KAT2B: variants seen among roughly 807,000 people sequenced by gnomAD.
KAT2B encodes lysine acetyltransferase 2B, also known as histone acetyltransferase KAT2B.
In KAT2B, 36 loss-of-function variants were observed where a neutral mutation model predicts 105.9. The ratio of observed to expected loss-of-function variants is 0.34; its 90% CI spans 0.26 to 0.45. KAT2B has a LOEUF of 0.45. Ranked by LOEUF, KAT2B falls within the 20% of genes least tolerant of loss-of-function variation. The pLI is 1.00. For synonymous variants in KAT2B, 397 were observed against 377.9 expected, an observed-to-expected ratio of 1.05 and a Z score of -0.59; for missense variants, 820 against 1,021.6, an observed-to-expected ratio of 0.80 and a Z score of 2.69.
intron 2 of KAT2B, among the ~76,000 whole-genome samples, chr3:20,076,579 C>T (rs1437070273): frequency 6.6e-6 from 1 of 152,150 alleles, no homozygotes; most frequent in African/African-American, 2.4e-5. Context: ...CCCGTAAAGG[C>T]AGAAGGGATA....
At position 20,140,386 on chromosome 3, in the gene KAT2B, T is replaced by G. The variant is rs781292946; in HGVS notation, c.2004+22T>G. 2.7e-5 allele frequency: 43 copies of G among 1,612,446 alleles called. 1 individual carries two copies. Among genetic ancestry groups the G allele is most frequent in the Non-Finnish European group, 8.5e-7 (1 of 1,179,574 alleles). ...GGAGGTAAGCAGGTGGTTGACTCCC[T>G]TACCTTCTGTACAGGCCAGTCTTAG... On this transcript the variant is annotated intron_variant, in intron 13 of 17. Transcript: ENST00000263754.
intron 6 of KAT2B, among the ~76,000 whole-genome samples, 182 bp from the exon 7 acceptor site, chr3:20,114,700 C>T (rs894968399): frequency 6.6e-6 from 1 of 152,062 alleles, no homozygotes; most frequent in South Asian, 2.1e-4. Flanking sequence ...TGTATAAATG[C>T]ATTTCTGTAT....
chr3:20,049,499 C>T (rs1211386446), intron 1 of KAT2B, among the ~76,000 whole-genome samples: 1 of 152,122 alleles, frequency 6.6e-6, no homozygotes, highest in African/African-American at 2.4e-5. Context: ...AAGCGTCTGC[C>T]CAAGTAGATC....
At chr3:20,119,812 G>A in intron 8 of KAT2B, 89 bp downstream of exon 8, 1 of 1,399,704 alleles carries the variant, frequency 7.1e-7, no homozygotes, top group Non-Finnish European at 9.9e-7. Context: ...CTTGAACCAA[G>A]TACAGATTGT....
intron 1 of KAT2B, among the ~76,000 whole-genome samples, chr3:20,068,382 C>G (rs1387872730): frequency 6.6e-6 from 1 of 150,742 alleles, no homozygotes; most frequent in Admixed American, 6.7e-5. Flanking sequence ...CAGGCACTCT[C>G]TTGCCTTTGC....
intron 2 of KAT2B, among the ~76,000 whole-genome samples, chr3:20,089,386 C>T (rs901294547): frequency 2.9e-4 from 42 of 145,808 alleles, no homozygotes; most frequent in South Asian, 2.2e-4. Flanking sequence ...ATCACTTATT[C>T]GTGTCTTCTT....
chr3:20,077,158 C>T (rs556135019), intron 2 of KAT2B, among the ~76,000 whole-genome samples: 33 of 152,240 alleles, frequency 2.2e-4, no homozygotes, highest in Non-Finnish European at 3.5e-4. Context: ...GTAGAAAGAA[C>T]ATTCAGTTGG....
intron 17 of KAT2B, among the ~76,000 whole-genome samples, chr3:20,149,514 A>AAAAAAAAAAAAAAAAAAAAG (rs1699835819): frequency 6.7e-6 from 1 of 149,126 alleles, no homozygotes; most frequent in Non-Finnish European, 1.5e-5. Context: ...AAAAAAAAAA[A>AAAAAAAAAAAAAAAAAAAAG]AAAAAATTGT....
At chr3:20,094,472 A>G (rs1336277241) in intron 2 of KAT2B, among the ~76,000 whole-genome samples, 1 of 152,112 alleles carries the variant, frequency 6.6e-6, no homozygotes, top group African/African-American at 2.4e-5. Flanking sequence ...AGTTTCCTCA[A>G]TTGTAAAATG....
At chr3:20,048,685 G>A (rs759511333) in intron 1 of KAT2B, among the ~76,000 whole-genome samples, 15 of 152,140 alleles carry the variant, frequency 9.9e-5, no homozygotes, top group African/African-American at 1.9e-4. Flanking sequence ...TTAGTCTGTC[G>A]TTAAGAGAAA....
In KAT2B at chr3:20,090,978, C is replaced by G. The variant is rs954804313; in HGVS notation, c.431-4285C>G. On this transcript the variant is annotated intron_variant, in intron 2 of 17. Transcript: ENST00000263754. ...TGTTGTGCAGGCTTGTCTTGAACTC[C>G]TAGGCTTAAGCATTTCTCCTACCTC... Among the ~76,000 whole-genome samples, 12 of 152,064 alleles carry G rather than the reference C, an allele frequency of 7.9e-5. 1 individual carries two copies. The highest frequency in any genetic ancestry group is 6.6e-5 in the Admixed American group (1 of 15,238).
intron 2 of KAT2B, among the ~76,000 whole-genome samples, chr3:20,077,240 G>A (rs923131030): frequency 2.6e-5 from 4 of 152,184 alleles, no homozygotes; most frequent in African/African-American, 9.6e-5. Context: ...TACTCAGGTC[G>A]CTGAGATGGG....
intron 13 of KAT2B, among the ~76,000 whole-genome samples, chr3:20,144,437 C>T (rs1477129017): frequency 6.6e-6 from 1 of 151,158 alleles, no homozygotes; most frequent in Non-Finnish European, 1.5e-5. Flanking sequence ...TACAGGCACC[C>T]GCCACCATGC....
rs139143308 is a variant in KAT2B, at chr3:20,127,992, C to T, written c.1749+443C>T. ...GCTGTGCAGCCCGGTCCCTAACAGG[C>T]CACGGACTGGTAATGGTCTAGGGGT... On this transcript the variant is annotated intron_variant, in intron 11 of 17. Transcript: ENST00000263754. Among the ~76,000 whole-genome samples the T allele has an allele frequency of 4.8e-3, 727 of 152,284 alleles. 2 individuals carry two copies. The highest frequency in any genetic ancestry group is 0.01 in the Middle Eastern group (3 of 294).
chr3:20,070,292 C>G (rs1009386145), intron 1 of KAT2B, among the ~76,000 whole-genome samples: 13 of 147,884 alleles, frequency 8.8e-5, no homozygotes, highest in African/African-American at 3.2e-4. Context: ...CGTTTATTCT[C>G]TTTTCTTTCT....
chr3:20,083,036 C>T (rs1283149357), intron 2 of KAT2B, among the ~76,000 whole-genome samples: 6 of 152,026 alleles, frequency 3.9e-5, no homozygotes, highest in South Asian at 2.1e-4. Flanking sequence ...GTTAAATTAC[C>T]GAGGATGGTT....
chr3:20,146,809 C>T (rs10510498), intron 14 of KAT2B, among the ~76,000 whole-genome samples: 6,022 of 152,264 alleles, frequency 0.04, 201 homozygotes, highest in South Asian at 0.15. Flanking sequence ...TAGCCAGTAA[C>T]GGTCAGAATT....
At chr3:20,109,384 A>G (rs964102349) in intron 5 of KAT2B, among the ~76,000 whole-genome samples, 2 of 152,170 alleles carry the variant, frequency 1.3e-5, no homozygotes, top group African/African-American at 4.8e-5. Context: ...TGGCACAATC[A>G]TAGCTCACAG....
chr3:20,049,392 C>T (rs6793573), intron 1 of KAT2B, among the ~76,000 whole-genome samples: 30 of 152,192 alleles, frequency 2.0e-4, no homozygotes, highest in South Asian at 6.2e-4. Flanking sequence ...TTCTTCTACC[C>T]GGGGAAAGTG....
Sources: allele counts gnomAD v4.1 joint callset (sites outside exome capture counted in the v4.1 genomes callset), GRCh38; gene constraint gnomAD v4.1.1; transcripts MANE v1.5; gene names NCBI Gene and HGNC (gene_info 2026-07-23, HGNC 2026-07-21).